CEP192: variants seen among roughly 807,000 people sequenced by gnomAD.
CEP192 encodes the protein centrosomal protein of 192 kDa.
A neutral mutation model predicts 271.8 loss-of-function variants in CEP192; 151 were observed. That is an observed-to-expected ratio of 0.56 (90% confidence interval 0.49 to 0.64). The LOEUF is 0.64. CEP192 is among the 30% of genes least tolerant of loss of function. CEP192 has a pLI of 0.00. For missense variants in CEP192, 2,910 were observed against 3,020.5 expected (o/e 0.96, Z 0.86); for synonymous variants, 995 against 1,076.5 (o/e 0.92, Z 1.48).
At chr18:13,039,646 T>A (rs2036098064) in intron 13 of CEP192, among the ~76,000 whole-genome samples, 1 of 151,990 alleles carries the variant, frequency 6.6e-6, no homozygotes, top group Non-Finnish European at 1.5e-5. Flanking sequence ...GAATGGCAGA[T>A]GATTCCAGGG....
rs2039645480 is a variant in CEP192, at chr18:13,100,311, G to A, written c.6670G>A (p.Val2224Met). ...TTTATTTGGCTCATTTCAGAAAATT[G>A]TGAAAGTTCAAATTCGAGAAGATTT... Reference protein sequence around the residue: ...IHCDDGQKKIVKVQIREDLTQ... With the variant: ...IHCDDGQKKIMKVQIREDLTQ... Residue 2224 changes from valine to methionine, a missense_variant, in exon 38 of 45, where the codon GTG becomes ATG. Val to Met is a conservative substitution (Grantham distance 21). Coordinates refer to ENST00000506447, the MANE Select transcript of CEP192 (RefSeq NM_032142.4). 5.0e-6 allele frequency: 8 copies of A among 1,613,092 alleles called. No homozygotes were observed. The East Asian group carries it at 6.7e-5, about 13-fold the overall frequency.
chr18:13,033,823 G>T (rs1249213779), intron 11 of CEP192, among the ~76,000 whole-genome samples: 1 of 152,198 alleles, frequency 6.6e-6, no homozygotes, highest in Admixed American at 6.5e-5. Context: ...TCTAACATTT[G>T]TGTAGAAAGG....
Position 13,056,050 on chromosome 18 carries a change from G to C in CEP192, c.3460G>C (p.Gly1154Arg). ...SGNLLETSEV[G>R]WTSNPEELDP... ...AAATCTGTTGGAAACCAGTGAGGTA[G>C]GTTGGACATCAAACCCTGAGGAATT... is the stretch of plus-strand genomic sequence containing the variant. The change falls in exon 19 of 45, where the codon GGT (glycine) becomes CGT (arginine). Residue 1154 changes from glycine to arginine, a missense_variant. Coordinates refer to ENST00000506447, the MANE Select transcript of CEP192 (RefSeq NM_032142.4). The C allele has an allele frequency of 6.2e-7, 1 of 1,614,184 alleles. No homozygotes were observed. The highest frequency in any genetic ancestry group is 8.5e-7 in the Non-Finnish European group (1 of 1,180,040).
At chr18:13,028,825 G>A (rs2035455583) in intron 9 of CEP192, among the ~76,000 whole-genome samples, 1 of 152,132 alleles carries the variant, frequency 6.6e-6, no homozygotes, top group Admixed American at 6.5e-5. Context: ...TGGCCTTGAT[G>A]TTTATTTTTA....
Position 13,040,927 on chromosome 18 carries a change from T to C in CEP192, c.1907T>C (p.Met636Thr). The C allele has an allele frequency of 6.2e-7, 1 of 1,611,986 alleles. No individual in the cohort carries two copies. The highest frequency in any genetic ancestry group is 8.5e-7 in the Non-Finnish European group (1 of 1,178,700). ...TCAAGAGGTAATTTGGAAAAAGAAATGGCTCATCTTAACCATGATCTATAT... is the reference window on the plus strand; with the variant it reads ...TCAAGAGGTAATTTGGAAAAAGAAACGGCTCATCTTAACCATGATCTATAT... ...DVSRGNLEKE[M>T]AHLNHDLYSG... Residue 636 changes from methionine (M) to threonine (T), a missense_variant, in exon 14 of 45, where the codon ATG becomes ACG. Met to Thr is a moderately conservative substitution (Grantham distance 81, BLOSUM62 -1). Coordinates refer to ENST00000506447, the MANE Select transcript of CEP192 (RefSeq NM_032142.4).
rs1352435487 is a variant in CEP192 at position 13,100,173 on chromosome 18, C to CT, written c.6664-129dup. 5 of 662,740 alleles carry CT rather than the reference C, an allele frequency of 7.5e-6. No homozygotes were observed. In the African/African-American group the frequency reaches 9.1e-5, roughly 12 times the overall value. The allele number at this position is 662,740 out of a possible 1,614,324, so 41.1% of individuals were successfully genotyped here. On this transcript the variant is annotated intron_variant, in intron 37 of 44. Transcript: ENST00000506447. ...AGATTTACCTTGAGATCTAAATAAA[C>CT]TTTAATTCCTAAATTTATTGATGTT... is the stretch of plus-strand genomic sequence containing the variant.
chr18:13,077,294 C>T (rs969000123), intron 30 of CEP192, among the ~76,000 whole-genome samples: 23 of 152,116 alleles, frequency 1.5e-4, no homozygotes, highest in Admixed American at 8.5e-4. Context: ...GCTCCAGAAT[C>T]AGAAACTTTT....
rs1455372244 is a variant in CEP192, at chr18:13,056,666, A to G, written c.4076A>G (p.Glu1359Gly). The change falls in exon 19 of 45, where the codon GAA (glutamate) becomes GGA (glycine). Residue 1359 changes from glutamate to glycine, a missense_variant. Glu to Gly is a moderately conservative substitution (Grantham distance 98). Coordinates refer to ENST00000506447, the MANE Select transcript of CEP192 (RefSeq NM_032142.4). ...TCTGTTGGTACAAACTGTGGAATTG[A>G]ACCATGGGATTCAGGAGTGACATCA... ...VPSVGTNCGI[E>G]PWDSGVTSGL... 3.1e-6 allele frequency: 5 copies of G among 1,610,538 alleles called. No homozygotes were observed. The highest frequency in any genetic ancestry group is 4.2e-6 in the Non-Finnish European group (5 of 1,178,538).
At chr18:13,034,622 A>G (rs989298687) in intron 11 of CEP192, among the ~76,000 whole-genome samples, 9 of 151,744 alleles carry the variant, frequency 5.9e-5, no homozygotes, top group Admixed American at 3.9e-4. Context: ...CCTGGCTAAC[A>G]TGGTGAAACC....
rs1459983210 is a variant in CEP192 at position 13,030,494 on chromosome 18, C to T, written c.1420C>T (p.Gln474Ter). ...AGATCTCCCACAGAGTGTGGTCTATCAAAATGAAGAGGGTAGGTGGGTCAC... is the reference window on the plus strand; with the variant it reads ...AGATCTCCCACAGAGTGTGGTCTATTAAAATGAAGAGGGTAGGTGGGTCAC... ...KTDLPQSVVY[Q>*]NEEGRWVTDL... The change falls in exon 11 of 45, where the codon CAA becomes TAA. Residue 474 changes from glutamine to a stop codon, truncating the protein, a stop_gained. Transcript: ENST00000506447. LOFTEE classifies it high-confidence loss of function. 6.2e-7 allele frequency: 1 copy of T among 1,610,916 alleles called. No individual in the cohort carries two copies. Among genetic ancestry groups the T allele is most frequent in the East Asian group, 2.2e-5 (1 of 44,842 alleles).
intron 15 of CEP192, among the ~76,000 whole-genome samples, chr18:13,043,828 G>C (rs2036333939): frequency 6.6e-6 from 1 of 151,974 alleles, no homozygotes; most frequent in Admixed American, 6.6e-5. Flanking sequence ...ACATCATCTT[G>C]TTAGATTTCT....
At chr18:13,048,785 A>T (rs73950981) in intron 15 of CEP192, 74 bp from the exon 16 acceptor site, 1 of 1,009,110 alleles carries the variant, frequency 9.9e-7, no homozygotes, top group Non-Finnish European at 1.5e-6. Flanking sequence ...GCATCTCCCA[A>T]TGATAATGGG....
chr18:13,015,530 C>A, intron 6 of CEP192, 82 bp downstream of exon 6: 1 of 1,442,928 alleles, frequency 6.9e-7, no homozygotes. Context: ...GTTATGATGC[C>A]AACTTTTTGG....
intron 44 of CEP192, among the ~76,000 whole-genome samples, chr18:13,121,614 G>A (rs2040663199): frequency 6.6e-6 from 1 of 152,198 alleles, no homozygotes; most frequent in Admixed American, 6.5e-5. Context: ...GGTTCTGAGA[G>A]ATCATCTCTT....
At chr18:13,051,523 C>T (rs190013542) in intron 17 of CEP192, among the ~76,000 whole-genome samples, 4 of 152,160 alleles carry the variant, frequency 2.6e-5, no homozygotes, top group Middle Eastern at 3.4e-3. Flanking sequence ...TTGACAATAC[C>T]GTCTTGATTT....
In CEP192 at chr18:13,000,091, C is replaced by CTCTCTCTTT. The variant is rs1555698196; in HGVS notation, c.164+504_164+505insCTCTCTTTT. Among the ~76,000 whole-genome samples the CTCTCTCTTT allele has an allele frequency of 1.1e-3, 87 of 76,748 alleles. 3 individuals are homozygous for CTCTCTCTTT. The highest frequency in any genetic ancestry group is 3.4e-3 in the African/African-American group (79 of 23,494). The allele number at this position is 76,748 out of a possible 152,430, so 50.3% of individuals were successfully genotyped here. On this transcript the variant is annotated intron_variant, in intron 2 of 44. Coordinates refer to ENST00000506447, the MANE Select transcript of CEP192 (RefSeq NM_032142.4). ...CTCTGTATAACTCATTGTCTTCTCT[C>CTCTCTCTTT]TTTTTTTTTTTTTTTTTTTTTTTTT...
intron 9 of CEP192, 37 bp downstream of exon 9, chr18:13,019,243 A>G: frequency 3.4e-6 from 5 of 1,458,962 alleles, no homozygotes; most frequent in Non-Finnish European, 4.5e-6. Context: ...CCTATAAAAA[A>G]AGGAATAAGG....
chr18:13,075,480 C>T (rs1411231852), intron 30 of CEP192, among the ~76,000 whole-genome samples: 3 of 152,046 alleles, frequency 2.0e-5, no homozygotes, highest in African/African-American at 2.4e-5. Flanking sequence ...GCAGGAGAAT[C>T]GCTTGAACCC....
At chr18:13,106,296 T>G (rs1002993846) in intron 40 of CEP192, among the ~76,000 whole-genome samples, 6 of 151,242 alleles carry the variant, frequency 4.0e-5, no homozygotes, top group African/African-American at 1.5e-4. Flanking sequence ...CCCACACAAC[T>G]ACCACCACCA....
Sources: gnomAD v4.1 joint callset for allele counts (sites outside exome capture counted in the v4.1 genomes callset) on GRCh38, gnomAD v4.1.1 for gene constraint, MANE v1.5 for transcripts, NCBI Gene and HGNC (gene_info 2026-07-23, HGNC 2026-07-21) for gene names.